MID2: variants seen among roughly 807,000 people sequenced by gnomAD.
MID2 encodes the protein midline 2, also known as probable E3 ubiquitin-protein ligase MID2.
A neutral mutation model predicts 46.1 loss-of-function variants in MID2; 13 were observed. The observed-to-expected ratio is 0.28, with a 90% CI of 0.18 to 0.45. The LOEUF (loss-of-function observed/expected upper bound fraction) is 0.45. Ranked by LOEUF, MID2 falls within the 20% of genes least tolerant of loss-of-function variation. The probability of loss-of-function intolerance (pLI) is 1.00; values close to 1 mark genes in which losing one functional copy is unlikely to be tolerated. For missense variants in MID2, 431 were observed against 575.4 expected, an observed-to-expected ratio of 0.75 and a Z score of 2.57; for synonymous variants, 199 against 212.3, an observed-to-expected ratio of 0.94 and a Z score of 0.55.
intron 4 of MID2, among the ~76,000 whole-genome samples, chrX:107,904,292 G>T (rs931393888): frequency 8.9e-6 from 1 of 111,753 alleles, no homozygotes; most frequent in African/African-American, 3.3e-5. Flanking sequence ...GGGTGTATGT[G>T]TAGGCAAAAG....
chrX:107,853,252 G>A (rs191876719), intron 2 of MID2, among the ~76,000 whole-genome samples: 35 of 111,474 alleles, frequency 3.1e-4, no homozygotes, highest in Non-Finnish European at 1.3e-4. Context: ...GTACCTGAAA[G>A]AATCTATGTA....
chrX:107,913,304 T>G (rs1160212453), intron 5 of MID2, among the ~76,000 whole-genome samples: 2 of 112,237 alleles, frequency 1.8e-5, no homozygotes, highest in Admixed American at 9.4e-5. Context: ...TTTTGATGTA[T>G]AGTACATTAC....
intron 8 of MID2, 99 bp downstream of exon 8, chrX:107,924,603 G>A: frequency 1.1e-6 from 1 of 889,178 alleles, no homozygotes; most frequent in East Asian, 3.3e-5. Context: ...ATGGGGAGCA[G>A]TGGTACTGGG....
Position 107,857,309 on chromosome X carries a change from C to T in MID2, c.816+2605C>T, listed in dbSNP as rs369608409. Reference sequence around the variant, plus strand: ...TTTTTTTTTTTTTTTGAGATGGAATCTCGCTCTGTTGCCCAGGCTAGAGTG... The same window carrying T: ...TTTTTTTTTTTTTTTGAGATGGAATTTCGCTCTGTTGCCCAGGCTAGAGTG... On this transcript the variant is annotated intron_variant, in intron 3 of 9. Coordinates refer to ENST00000262843, the MANE Select transcript of MID2 (RefSeq NM_012216.4). Among the ~76,000 whole-genome samples the T allele has an allele frequency of 1.8e-4, 18 of 97,983 alleles. No homozygotes were observed. The East Asian group carries it at 4.5e-3, about 24-fold the overall frequency. 85.1% of individuals were successfully genotyped at this position (97,983 alleles called of 115,157 possible).
At chrX:107,827,761 T>C (rs2147818594) in intron 1 of MID2, among the ~76,000 whole-genome samples, 1 of 86,279 alleles carries the variant, frequency 1.2e-5, no homozygotes, top group African/African-American at 4.3e-5. Flanking sequence ...GACCCTCACA[T>C]CCCCCTGTCT....
In MID2 at chrX:107,845,521, A is replaced by ACTCTCTCTCTCT. The variant is rs1393665429; in HGVS notation, c.720+4137_720+4138insTCTCTCTCTCTC. On this transcript the variant is annotated intron_variant, in intron 2 of 9. Transcript: ENST00000262843. Reference sequence around the variant, plus strand: ...CACACACACACACACACACACACACACACACTCTCTCTCTCTCTCTCTCTC... The same window carrying ACTCTCTCTCTCT: ...CACACACACACACACACACACACACACTCTCTCTCTCTCACACTCTCTCTCTCTCTCTCTCTC... Among the ~76,000 whole-genome samples the ACTCTCTCTCTCT allele has an allele frequency of 2.0e-3, 173 of 85,610 alleles. 1 individual carries two copies. Among genetic ancestry groups the ACTCTCTCTCTCT allele is most frequent in the Middle Eastern group, 5.5e-3 (1 of 181 alleles). 74.3% of individuals were successfully genotyped at this position (85,610 alleles called of 115,157 possible).
At chrX:107,888,869 G>A (rs1437059049) in intron 3 of MID2, among the ~76,000 whole-genome samples, 9 of 111,792 alleles carry the variant, frequency 8.1e-5, no homozygotes, top group Non-Finnish European at 1.7e-4. Context: ...TTACCATTAT[G>A]TAATGGCCTT....
chrX:107,869,833 TA>T (rs201969595), intron 3 of MID2, among the ~76,000 whole-genome samples: 2,078 of 107,201 alleles, frequency 0.019, 49 homozygotes, highest in African/African-American at 0.065. Context: ...ACCTTATATT[TA>T]AAAAAAAAAC....
At chrX:107,881,827 G>A (rs182838382) in intron 3 of MID2, among the ~76,000 whole-genome samples, 71 of 112,384 alleles carry the variant, frequency 6.3e-4, no homozygotes, top group African/African-American at 2.1e-3. Flanking sequence ...TATAGAACAA[G>A]CATTAGATGA....
chrX:107,843,821 C>G (rs1353370533), intron 2 of MID2, among the ~76,000 whole-genome samples: 1 of 110,487 alleles, frequency 9.1e-6, no homozygotes, highest in African/African-American at 3.3e-5. Flanking sequence ...AGGATTACCC[C>G]CTTAGTCTGC....
chrX:107,917,622 A>C lies in MID2; in HGVS notation c.1318A>C (p.Ile440Leu), dbSNP rs1336091913. The C allele has an allele frequency of 4.1e-6, 5 of 1,211,585 alleles. No homozygotes were observed. Among genetic ancestry groups the C allele is most frequent in the Non-Finnish European group, 5.6e-6 (5 of 895,317 alleles). ...SISSYELQYT[I>L]FTGQANFISK... is the part of the protein sequence containing the mutation. ...CAGCTCCTATGAGCTTCAGTACACCATATTCACTGGCCAGGCTAACTTCAT... is the reference window on the plus strand; with the variant it reads ...CAGCTCCTATGAGCTTCAGTACACCCTATTCACTGGCCAGGCTAACTTCAT... The change falls in exon 7 of 10, where the codon ATA becomes CTA. Residue 440 changes from isoleucine to leucine, a missense_variant. By Grantham distance (5) the Ile-to-Leu change is conservative. Coordinates refer to ENST00000262843, the MANE Select transcript of MID2 (RefSeq NM_012216.4).
chrX:107,847,040 T>C (rs1931500804), intron 2 of MID2, among the ~76,000 whole-genome samples: 1 of 112,222 alleles, frequency 8.9e-6, no homozygotes, highest in African/African-American at 3.2e-5. Flanking sequence ...AATGTGATAA[T>C]GGCCTTCAAG....
At chrX:107,882,790 C>T (rs991499234) in intron 3 of MID2, among the ~76,000 whole-genome samples, 3 of 111,607 alleles carry the variant, frequency 2.7e-5, no homozygotes, top group South Asian at 3.8e-4. Context: ...TGGAAGACAG[C>T]GTGGCAATTC....
chrX:107,868,109 A>T (rs1037744428), intron 3 of MID2, among the ~76,000 whole-genome samples: 4 of 111,737 alleles, frequency 3.6e-5, no homozygotes, highest in Non-Finnish European at 7.5e-5. Flanking sequence ...AAATGGGTGA[A>T]TTTTGTGGCA....
At position 107,916,061 on chromosome X, in the gene MID2, C is replaced by T. The variant is rs12849510; in HGVS notation, c.1133C>T (p.Ala378Val). Residue 378 changes from alanine (A) to valine (V), a missense_variant, in exon 6 of 10, where the codon GCC (alanine) becomes GTC (valine). Ala to Val is a moderately conservative substitution (Grantham distance 64, BLOSUM62 0). Transcript: ENST00000262843. ...VLIPDINFND[A>V]FENFALDFSR... ...ATTCCAGACATCAATTTTAATGATG[C>T]CTTTGAAAACTTTGCTTTAGATTTT... 1 of 1,199,830 alleles carries T rather than the reference C, an allele frequency of 8.3e-7. No homozygotes were observed.
chrX:107,883,585 C>A (rs1464716728), intron 3 of MID2, among the ~76,000 whole-genome samples: 1 of 112,331 alleles, frequency 8.9e-6, no homozygotes, highest in Non-Finnish European at 1.9e-5. Context: ...GTTTTCCTTG[C>A]CCTCTTTTCA....
At chrX:107,878,000 A>C (rs1932237311) in intron 3 of MID2, among the ~76,000 whole-genome samples, 1 of 107,913 alleles carries the variant, frequency 9.3e-6, no homozygotes, top group Non-Finnish European at 1.9e-5. Flanking sequence ...CCTATCACAT[A>C]GAAAAAGAAA....
intron 3 of MID2, among the ~76,000 whole-genome samples, chrX:107,879,908 A>G (rs1177708867): frequency 1.8e-5 from 2 of 109,955 alleles, no homozygotes; most frequent in Non-Finnish European, 3.8e-5. Flanking sequence ...TTTACATGTA[A>G]CTATTATATT....
At chrX:107,892,225 G>A (rs1397134684) in intron 3 of MID2, among the ~76,000 whole-genome samples, 1 of 111,885 alleles carries the variant, frequency 8.9e-6, no homozygotes, top group South Asian at 3.7e-4. Flanking sequence ...GGCTTGCTTT[G>A]TTCTCCTCCC....
Sources: gnomAD v4.1 joint callset for allele counts (sites outside exome capture counted in the v4.1 genomes callset) on GRCh38, gnomAD v4.1.1 for gene constraint, MANE v1.5 for transcripts, NCBI Gene and HGNC (gene_info 2026-07-23, HGNC 2026-07-21) for gene names.